Variants in WDCP observed in about 807,000 individuals in gnomAD.
WDCP encodes WD repeat and coiled coil containing.
WDCP carries 19 observed loss-of-function variants against 41.6 expected under a neutral mutation model. The observed-to-expected ratio is 0.46, with a 90% CI of 0.32 to 0.67. WDCP has a LOEUF of 0.67. WDCP is among the 30% of genes least tolerant of loss of function. The pLI, the probability that WDCP is intolerant of heterozygous loss-of-function variation, is 0.04. For missense variants in WDCP, 802 were observed against 850.7 expected, an observed-to-expected ratio of 0.94 and a Z score of 0.71; for synonymous variants, 302 against 320.8, an observed-to-expected ratio of 0.94 and a Z score of 0.63.
At chr2:24,043,961 G>A (rs1221674677) in intron 1 of WDCP, among the ~76,000 whole-genome samples, 2 of 151,836 alleles carry the variant, frequency 1.3e-5, no homozygotes, top group Non-Finnish European at 2.9e-5. Context: ...CTTGCTAAAC[G>A]GAGAAAAAAG....
intron 2 of WDCP, among the ~76,000 whole-genome samples, chr2:24,034,545 A>G (rs1035610987): frequency 6.6e-6 from 1 of 151,868 alleles, no homozygotes; most frequent in Non-Finnish European, 1.5e-5. Flanking sequence ...TATAAACTAA[A>G]AAACTGAGGA....
chr2:24,038,430 T>A lies in WDCP; in HGVS notation c.1065A>T (p.Ala355=), dbSNP rs777585038. 7.4e-6 allele frequency: 12 copies of A among 1,614,046 alleles called. No individual in the cohort carries two copies. The highest frequency in any genetic ancestry group is 1.0e-5 in the Non-Finnish European group (12 of 1,180,022). The change falls in exon 2 of 4, where the codon GCA becomes GCT. Residue 355 remains alanine (A), a synonymous_variant. Transcript: ENST00000295148. ...IAFNLKAHVV[A]VASNTCNIIL... is the part of the protein sequence containing the mutation. The stretch of plus-strand genomic sequence containing the variant: ...TTATATTACAAGTGTTGGAAGCCAC[T>A]GCCACTACGTGGGCTTTAAGATTAA...
Position 24,039,158 on chromosome 2 carries a change from G to T in WDCP, c.337C>A (p.Pro113Thr). Reference sequence around the variant, plus strand: ...CACACACAGCCCTGGGGAAGGATAGGTAGTGATCCTCTAATCTCACAAGTC... The same window carrying T: ...CACACACAGCCCTGGGGAAGGATAGTTAGTGATCCTCTAATCTCACAAGTC... ...SQTCEIRGSL[P>T]ILPQGCVWHP... is the part of the protein sequence containing the mutation. The change falls in exon 2 of 4, where the codon CCT becomes ACT. Residue 113 changes from proline (P) to threonine (T), a missense_variant. Around this residue, in one of 5 missense-constraint regions of WDCP, gnomAD observed 214 missense variants for 252.9 expected, o/e 0.85. Transcript: ENST00000295148. 6.2e-7 allele frequency: 1 copy of T among 1,614,234 alleles called. No individual in the cohort carries two copies. Among genetic ancestry groups the T allele is most frequent in the Non-Finnish European group, 8.5e-7 (1 of 1,180,044 alleles).
intron 2 of WDCP, among the ~76,000 whole-genome samples, chr2:24,035,396 G>A (rs1440936443): frequency 6.6e-6 from 1 of 151,868 alleles, no homozygotes; most frequent in African/African-American, 2.4e-5. Flanking sequence ...AAATAAAAAT[G>A]GTTACCTAAA....
At chr2:24,044,486 T>C (rs986433384) in intron 1 of WDCP, among the ~76,000 whole-genome samples, 2 of 152,080 alleles carry the variant, frequency 1.3e-5, no homozygotes, top group African/African-American at 4.8e-5. Flanking sequence ...AGGCTGGTCT[T>C]GAACTCCTGA....
chr2:24,041,858 CAAAAAAAAA>C (rs56341766), intron 1 of WDCP, among the ~76,000 whole-genome samples: 1 of 93,226 alleles, frequency 1.1e-5, no homozygotes. Flanking sequence ...AACTCTGTCT[CAAAAAAAAA>C]AAAAAAAAAA....
At chr2:24,031,854 T>C (rs2150946520) in intron 3 of WDCP, among the ~76,000 whole-genome samples, 1 of 152,052 alleles carries the variant, frequency 6.6e-6, no homozygotes, top group African/African-American at 2.4e-5. Flanking sequence ...AAAGAAACAT[T>C]CTGCAATGCT....
intron 1 of WDCP, among the ~76,000 whole-genome samples, chr2:24,040,100 CAG>C (rs766746519): frequency 2.8e-4 from 42 of 152,200 alleles, no homozygotes; most frequent in Admixed American, 5.2e-4. Context: ...CGCGCCCGGC[CAG>C]AGTTATTAAT....
At position 24,038,300 on chromosome 2, in the gene WDCP, A is replaced by G; in HGVS notation, c.1195T>C (p.Leu399=). 6.2e-7 allele frequency: 1 copy of G among 1,614,210 alleles called. No individual in the cohort carries two copies. The highest frequency in any genetic ancestry group is 8.5e-7 in the Non-Finnish European group (1 of 1,180,032). Residue 399 remains leucine, a synonymous_variant, in exon 2 of 4, where the codon TTA becomes CTA. Coordinates refer to ENST00000295148, the MANE Select transcript of WDCP (RefSeq NM_025203.3). ...TTTTGTTTTCCTACCAAAATTAGTA[A>G]TAGTTGGTCTGTCAAGAAACATATC... is the stretch of plus-strand genomic sequence containing the variant. The part of the protein sequence containing the change: ...KGICFLTDQL[L]LILVGKQKLT...
Position 24,038,599 on chromosome 2 carries a change from G to A in WDCP, c.896C>T (p.Ser299Phe). The A allele has an allele frequency of 6.2e-7, 1 of 1,614,016 alleles. No individual in the cohort carries two copies. The highest frequency in any genetic ancestry group is 8.5e-7 in the Non-Finnish European group (1 of 1,179,930). Reference protein sequence around the residue: ...HFNQHKSEGNSLICLRKKDYL... With the variant: ...HFNQHKSEGNFLICLRKKDYL... Reference sequence around the variant, plus strand: ...GTCCTTTTTTCTTAGACAAATAAGAGAATTACCCTCAGACTTATGTTGATT... The same window carrying A: ...GTCCTTTTTTCTTAGACAAATAAGAAAATTACCCTCAGACTTATGTTGATT... The change falls in exon 2 of 4, where the codon TCT becomes TTT. Residue 299 changes from serine to phenylalanine, a missense_variant. Physicochemically the swap from Ser to Phe is radical, Grantham distance 155. This residue lies in a region of WDCP where 247 missense variants were observed against 240.5 expected (regional missense o/e 1.03). Coordinates refer to ENST00000295148, the MANE Select transcript of WDCP (RefSeq NM_025203.3).
intron 1 of WDCP, among the ~76,000 whole-genome samples, chr2:24,045,051 C>A (rs1248734298): frequency 6.6e-6 from 1 of 152,080 alleles, no homozygotes; most frequent in Non-Finnish European, 1.5e-5. Context: ...ATTCAAGTAA[C>A]AATATGCAGA....
In WDCP at chr2:24,039,461, C is replaced by G. The variant is rs144078821; in HGVS notation, c.34G>C (p.Gly12Arg). The G allele has an allele frequency of 1.1e-3, 1,843 of 1,614,160 alleles. 2 individuals are homozygous for G. The highest frequency in any genetic ancestry group is 1.4e-3 in the Non-Finnish European group (1,676 of 1,179,982). ...ELGKGKLLRT[G>R]LNALHQAVHP... ...ACTGCTTGATGCAACGCATTCAGTC[C>G]AGTCCTGAGTAGTTTTCCTTTTCCC... is the stretch of plus-strand genomic sequence containing the variant. The change falls in exon 2 of 4, where the codon GGA becomes CGA. Residue 12 changes from glycine to arginine, a missense_variant. Physicochemically the swap from Gly to Arg is moderately radical, Grantham distance 125 (BLOSUM62 -2). Transcript: ENST00000295148.
chr2:24,040,993 G>C (rs905319694), intron 1 of WDCP, among the ~76,000 whole-genome samples: 1 of 151,950 alleles, frequency 6.6e-6, no homozygotes, highest in Non-Finnish European at 1.5e-5. Context: ...TCCAGCCTGG[G>C]TAACAACAGC....
In WDCP at chr2:24,032,865, G is replaced by A; in HGVS notation, c.1900C>T (p.Gln634Ter). The change falls in exon 3 of 4, where the codon CAG becomes TAG. Residue 634 changes from glutamine (Q) to a stop codon, truncating the protein, a stop_gained. Coordinates refer to ENST00000295148, the MANE Select transcript of WDCP (RefSeq NM_025203.3). LOFTEE classifies it low-confidence loss of function (END_TRUNC). Reference sequence around the variant, plus strand: ...TCAATGAGAGAAAGGCCAAAAGTCTGCTGAACTGTACTGAGCCTTAGTTTA... The same window carrying A: ...TCAATGAGAGAAAGGCCAAAAGTCTACTGAACTGTACTGAGCCTTAGTTTA... Reference protein sequence around the residue: ...DGKLRLSTVQQTFGLSLIEML... With the variant: ...DGKLRLSTVQ The A allele has an allele frequency of 6.2e-7, 1 of 1,613,396 alleles. No homozygotes were observed. Among genetic ancestry groups the A allele is most frequent in the Non-Finnish European group, 8.5e-7 (1 of 1,179,404 alleles).
chr2:24,030,498 TGCCCCCCA>T lies in WDCP; in HGVS notation c.*427_*434del, dbSNP rs1430028047. On this transcript the variant is annotated 3_prime_UTR_variant, in exon 4 of 4. Coordinates refer to ENST00000295148, the MANE Select transcript of WDCP (RefSeq NM_025203.3). ...TTTGAGGTTAATATGCTAGAGCACA[TGCCCCCCA>T]GCAGACTCCTCAACCTCCTCTTGAA... 1.9e-5 allele frequency: 3 copies of T among 155,736 alleles called. No individual in the cohort carries two copies. The highest frequency in any genetic ancestry group is 4.3e-5 in the Non-Finnish European group (3 of 70,500). The allele number at this position is 155,736 out of a possible 1,614,324, so 9.6% of individuals were successfully genotyped here.
At chr2:24,035,442 A>G (rs868844908) in intron 2 of WDCP, among the ~76,000 whole-genome samples, 9 of 152,178 alleles carry the variant, frequency 5.9e-5, no homozygotes, top group South Asian at 4.1e-4. Flanking sequence ...AACATAGGGT[A>G]GGAATAAGAG....
chr2:24,036,742 G>A (rs1663268966), intron 2 of WDCP, among the ~76,000 whole-genome samples: 2 of 152,282 alleles, frequency 1.3e-5, no homozygotes, highest in South Asian at 4.1e-4. Flanking sequence ...AGTAAAGAGT[G>A]CACCATATCA....
At chr2:24,031,649 A>T (rs754059279) in intron 3 of WDCP, among the ~76,000 whole-genome samples, 2 of 151,998 alleles carry the variant, frequency 1.3e-5, no homozygotes, top group Non-Finnish European at 2.9e-5. Context: ...ACATGGTGAA[A>T]CCCCATTTCT....
At chr2:24,047,200 C>G (rs1344603400) in intron 1 of WDCP, 114 bp downstream of exon 1, 2 of 152,498 alleles carry the variant, frequency 1.3e-5, no homozygotes, top group Admixed American at 6.6e-5. Context: ...CCTCTCTGCA[C>G]GCCTGAATCT....
Sources: allele counts gnomAD v4.1 joint callset (sites outside exome capture counted in the v4.1 genomes callset), GRCh38; gene constraint gnomAD v4.1.1; regional missense constraint gnomAD v4.1.1; transcripts MANE v1.5; gene names NCBI Gene and HGNC (gene_info 2026-07-23, HGNC 2026-07-21).